EFCAB5: variants seen among roughly 807,000 people sequenced by gnomAD.
EFCAB5 encodes the protein EF-hand calcium-binding domain-containing protein 5.
A neutral mutation model predicts 167.9 loss-of-function variants in EFCAB5; 131 were observed. The observed-to-expected ratio is 0.78, with a 90% CI of 0.68 to 0.90. The LOEUF is 0.90. EFCAB5 is among the 40% of genes least tolerant of loss of function. The pLI is 0.00. For synonymous variants in EFCAB5, 574 were observed against 602.8 expected, an observed-to-expected ratio of 0.95 and a Z score of 0.70; for missense variants, 1,663 against 1,745.2, an observed-to-expected ratio of 0.95 and a Z score of 0.84.
chr17:30,001,313 C>A (rs1597649273), intron 7 of EFCAB5, among the ~76,000 whole-genome samples: 1 of 152,258 alleles, frequency 6.6e-6, no homozygotes, highest in South Asian at 2.1e-4. Context: ...CACAGAGGAA[C>A]AAATGATAGT....
chr17:29,942,094 C>G (rs1461131993), intron 1 of EFCAB5, 146 bp from the exon 2 acceptor site: 1 of 766,724 alleles, frequency 1.3e-6, no homozygotes, highest in Non-Finnish European at 2.1e-6. Flanking sequence ...GTTGATACAA[C>G]TACTTTGTGT....
intron 8 of EFCAB5, among the ~76,000 whole-genome samples, chr17:30,040,866 C>T (rs924860001): frequency 2.6e-5 from 4 of 152,236 alleles, no homozygotes; most frequent in African/African-American, 9.6e-5. Flanking sequence ...TAGCTCATAG[C>T]TTATGCCCCT....
chr17:30,063,590 C>T (rs528712661), intron 14 of EFCAB5, among the ~76,000 whole-genome samples: 1 of 152,274 alleles, frequency 6.6e-6, no homozygotes, highest in South Asian at 2.1e-4. Flanking sequence ...CCCAACCCTG[C>T]CACAGAAAGC....
intron 3 of EFCAB5, among the ~76,000 whole-genome samples, chr17:29,958,552 A>G (rs1383782810): frequency 1.3e-5 from 2 of 152,178 alleles, no homozygotes; most frequent in Non-Finnish European, 2.9e-5. Context: ...TCTCTGTGCT[A>G]TCTTGAATTT....
intron 22 of EFCAB5, among the ~76,000 whole-genome samples, chr17:30,106,559 C>T (rs1211401050): frequency 6.6e-6 from 1 of 152,072 alleles, no homozygotes; most frequent in Non-Finnish European, 1.5e-5. Context: ...CAGGTCCAAG[C>T]GATTCTCCTG....
chr17:30,013,941 G>T (rs1332022906), intron 7 of EFCAB5, among the ~76,000 whole-genome samples: 1 of 152,156 alleles, frequency 6.6e-6, no homozygotes, highest in African/African-American at 2.4e-5. Context: ...TGGGCATTTA[G>T]TGCTATAAAT....
intron 3 of EFCAB5, among the ~76,000 whole-genome samples, chr17:29,944,435 GC>G (rs2067355186): frequency 6.6e-6 from 1 of 151,894 alleles, no homozygotes; most frequent in Non-Finnish European, 1.5e-5. Context: ...TGCTTTTGAG[GC>G]AATTTATGAT....
intron 14 of EFCAB5, chr17:30,069,728 C>A: frequency 1.1e-6 from 1 of 931,608 alleles, no homozygotes; most frequent in Non-Finnish European, 1.7e-6. Context: ...ACCCCCGGTG[C>A]TGGAGCATGG....
chr17:29,993,735 G>A (rs1489677319), intron 5 of EFCAB5, among the ~76,000 whole-genome samples: 1 of 152,020 alleles, frequency 6.6e-6, no homozygotes, highest in Admixed American at 6.6e-5. Context: ...TTTTTCATTA[G>A]ATACAATGCT....
chr17:30,090,193 G>T (rs1597561608), intron 19 of EFCAB5, among the ~76,000 whole-genome samples: 1 of 152,304 alleles, frequency 6.6e-6, no homozygotes, highest in South Asian at 2.1e-4. Flanking sequence ...AGATTGGGTG[G>T]TCAGGGACGC....
At chr17:30,095,622 T>G (rs554903275) in intron 22 of EFCAB5, among the ~76,000 whole-genome samples, 1 of 152,284 alleles carries the variant, frequency 6.6e-6, no homozygotes, top group East Asian at 1.9e-4. Context: ...AACTCCCCAC[T>G]GCACAGCTAA....
chr17:30,018,845 AT>A (rs1350784496), intron 7 of EFCAB5, among the ~76,000 whole-genome samples: 2 of 151,778 alleles, frequency 1.3e-5, no homozygotes, highest in Non-Finnish European at 1.5e-5. Context: ...TTTTTTAGCT[AT>A]TTTTTGCTAG....
At chr17:30,090,948 A>G (rs1054246239) in intron 20 of EFCAB5, among the ~76,000 whole-genome samples, 23 of 152,076 alleles carry the variant, frequency 1.5e-4, no homozygotes, top group African/African-American at 5.6e-4. Context: ...TGTATTAAAT[A>G]CCCCCATTAT....
At chr17:29,986,296 G>A (rs529724940) in intron 4 of EFCAB5, among the ~76,000 whole-genome samples, 12 of 152,256 alleles carry the variant, frequency 7.9e-5, no homozygotes, top group East Asian at 1.9e-4. Context: ...CTCCTACAGC[G>A]GGCCATATCA....
intron 16 of EFCAB5, among the ~76,000 whole-genome samples, chr17:30,080,465 A>T (rs1486848700): frequency 1.3e-5 from 2 of 151,872 alleles, no homozygotes; most frequent in African/African-American, 4.8e-5. Flanking sequence ...GCGTCACAAT[A>T]TCATCTCAAT....
intron 4 of EFCAB5, among the ~76,000 whole-genome samples, chr17:29,983,500 T>C (rs562086482): frequency 6.6e-6 from 1 of 152,356 alleles, no homozygotes; most frequent in African/African-American, 2.4e-5. Flanking sequence ...TTATGTTGCA[T>C]TCATAGAGAC....
intron 4 of EFCAB5, among the ~76,000 whole-genome samples, chr17:29,984,141 G>A (rs1283025579): frequency 6.6e-6 from 1 of 151,840 alleles, no homozygotes; most frequent in Non-Finnish European, 1.5e-5. Context: ...GTGAGTGAGT[G>A]TATGAATGAA....
chr17:30,000,167 CATG>C (rs1348738586), intron 7 of EFCAB5, among the ~76,000 whole-genome samples, 191 bp downstream of exon 7: 1 of 152,094 alleles, frequency 6.6e-6, no homozygotes. Context: ...CAGTATCACG[CATG>C]ATGTGAGAGT....
chr17:29,977,034 C>T (rs1445080869), intron 4 of EFCAB5, among the ~76,000 whole-genome samples: 1 of 152,100 alleles, frequency 6.6e-6, no homozygotes, highest in Non-Finnish European at 1.5e-5. Context: ...TTAATTCTTA[C>T]GTGCAATTTT....
Sources: allele counts gnomAD v4.1 joint callset (sites outside exome capture counted in the v4.1 genomes callset), GRCh38; gene constraint gnomAD v4.1.1; transcripts MANE v1.5; gene names NCBI Gene and HGNC (gene_info 2026-07-23, HGNC 2026-07-21).